Variants in NIBAN2 observed in about 807,000 individuals in gnomAD.
NIBAN2 encodes protein Niban 2.
A neutral mutation model predicts 81.8 loss-of-function variants in NIBAN2; 36 were observed. That is an observed-to-expected ratio of 0.44 (90% CI 0.34 to 0.58). The LOEUF is 0.58. Ranked by LOEUF, NIBAN2 falls within the 20% of genes least tolerant of loss-of-function variation. The pLI is 0.02. For synonymous variants in NIBAN2, 445 were observed against 441.6 expected, an observed-to-expected ratio of 1.01 and a Z score of -0.10; for missense variants, 897 against 1,014.1, an observed-to-expected ratio of 0.88 and a Z score of 1.57.
At chr9:127,526,398 CAAAAAAA>C (rs71495649) in intron 3 of NIBAN2, among the ~76,000 whole-genome samples, 3 of 92,592 alleles carry the variant, frequency 3.2e-5, no homozygotes, top group African/African-American at 4.3e-5. Context: ...GACTTCATCT[CAAAAAAA>C]AAAAAAAAAA....
At position 127,559,674 on chromosome 9, in the gene NIBAN2, TG is replaced by T. The variant is rs1837736244; in HGVS notation, c.55+9145del. On this transcript the variant is annotated intron_variant, in intron 1 of 13. Coordinates refer to ENST00000373312, the MANE Select transcript of NIBAN2 (RefSeq NM_022833.4). This position sits in a 1 kb window ranked among gnomAD's most constrained non-coding sequence, Gnocchi z 4.0. ...GTTGGCTTGGCCACAGATGGGCAGG[TG>T]GGAAAGTGGGGTCTGCACTTTGCAA... Among the ~76,000 whole-genome samples the T allele has an allele frequency of 6.6e-6, 1 of 152,158 alleles. No individual in the cohort carries two copies. The highest frequency in any genetic ancestry group is 1.5e-5 in the Non-Finnish European group (1 of 68,026).
At chr9:127,568,352 C>A (rs1481852477) in intron 1 of NIBAN2, among the ~76,000 whole-genome samples, 2 of 152,198 alleles carry the variant, frequency 1.3e-5, no homozygotes, top group East Asian at 1.9e-4. Flanking sequence ...GCCTCCGCCA[C>A]GTGTACCAGG....
At chr9:127,571,781 G>A (rs557639673), upstream of NIBAN2, among the ~76,000 whole-genome samples, 2 of 152,008 alleles carry the variant, frequency 1.3e-5, no homozygotes, top group Admixed American at 6.6e-5. Context: ...ATAGCTCTCC[G>A]CAAATCTGGG....
intron 1 of NIBAN2, among the ~76,000 whole-genome samples, chr9:127,555,497 G>A (rs1009337818): frequency 5.9e-5 from 9 of 152,202 alleles, no homozygotes; most frequent in South Asian, 2.1e-4. Context: ...GGGGGCCAGC[G>A]GCGGACCCTG....
intron 1 of NIBAN2, among the ~76,000 whole-genome samples, chr9:127,532,773 C>T (rs916608796): frequency 9.9e-5 from 15 of 151,998 alleles, no homozygotes; most frequent in African/African-American, 3.6e-4. Flanking sequence ...TGGCTCACAC[C>T]TATAATCCCA....
At chr9:127,569,327 C>T (rs1837917968), upstream of NIBAN2, among the ~76,000 whole-genome samples, 1 of 150,964 alleles carries the variant, frequency 6.6e-6, no homozygotes, top group Non-Finnish European at 1.5e-5. Context: ...ACGCCGGGAC[C>T]GCCCTGGAGA....
At chr9:127,516,310 G>A (rs1357179188) in intron 8 of NIBAN2, among the ~76,000 whole-genome samples, 4 of 152,152 alleles carry the variant, frequency 2.6e-5, no homozygotes, top group African/African-American at 7.2e-5. Context: ...ACTTTGGGAG[G>A]CCAAGGTGAG....
chr9:127,517,043 G>A lies in NIBAN2; in HGVS notation c.811-24C>T. 4 of 1,611,506 alleles carry A rather than the reference G, an allele frequency of 2.5e-6. No homozygotes were observed. The highest frequency in any genetic ancestry group is 3.4e-6 in the Non-Finnish European group (4 of 1,178,216). ...ATCTGTGGGCAGAGCAGCTGAATTG[G>A]CACCAGGGCTGAGGGCACCGCACCA... is the stretch of plus-strand genomic sequence containing the variant. On this transcript the variant is annotated intron_variant, in intron 7 of 13. Coordinates refer to ENST00000373312, the MANE Select transcript of NIBAN2 (RefSeq NM_022833.4). This position sits in a 1 kb window ranked among gnomAD's most constrained non-coding sequence, Gnocchi z 4.0.
intron 1 of NIBAN2, among the ~76,000 whole-genome samples, chr9:127,556,458 A>T (rs1233258302): frequency 2.3e-5 from 1 of 43,016 alleles, no homozygotes; most frequent in Non-Finnish European, 4.3e-5. Context: ...TTGCAATGGC[A>T]TTCATTCATT....
chr9:127,553,324 G>C (rs924352832), intron 1 of NIBAN2, among the ~76,000 whole-genome samples: 1 of 152,206 alleles, frequency 6.6e-6, no homozygotes, highest in South Asian at 2.1e-4. Context: ...GTCTGAGGGG[G>C]AGGCCAGAGC....
Position 127,508,571 on chromosome 9 carries a change from C to T in NIBAN2, c.1318-33G>A, listed in dbSNP as rs774285109. 1 of 1,565,702 alleles carries T rather than the reference C, an allele frequency of 6.4e-7. No homozygotes were observed. Among genetic ancestry groups the T allele is most frequent in the Non-Finnish European group, 8.8e-7 (1 of 1,137,862 alleles). On this transcript the variant is annotated intron_variant, in intron 10 of 13. Coordinates refer to ENST00000373312, the MANE Select transcript of NIBAN2 (RefSeq NM_022833.4). The surrounding 1 kb of genome is among the most constrained non-coding windows in gnomAD (Gnocchi z 6.4). ...GCATACCGCGGACATGTGAAGCCCCCAGGGTGACCACAGCCCCTTCCTGGG... is the reference window on the plus strand; with the variant it reads ...GCATACCGCGGACATGTGAAGCCCCTAGGGTGACCACAGCCCCTTCCTGGG...
intron 1 of NIBAN2, among the ~76,000 whole-genome samples, chr9:127,552,708 AG>A (rs1181611894): frequency 3.8e-4 from 12 of 31,354 alleles, no homozygotes; most frequent in South Asian, 1.1e-3. Flanking sequence ...TTTTTTTTTG[AG>A]ACAGAGTCTT....
At position 127,517,220 on chromosome 9, in the gene NIBAN2, G is replaced by C. The variant is rs1180085968; in HGVS notation, c.706-4C>G. ...CCATCACCAGGTTGCTCAGGATCTA[G>C]GTTGAGGAGGCACAAGCCAGGCCAG... On this transcript the variant is annotated splice_region_variant and splice_polypyrimidine_tract_variant and intron_variant, in intron 6 of 13. Transcript: ENST00000373312. This position sits in a 1 kb window ranked among gnomAD's most constrained non-coding sequence, Gnocchi z 4.0. 6.2e-7 allele frequency: 1 copy of C among 1,613,094 alleles called. No homozygotes were observed. The highest frequency in any genetic ancestry group is 8.5e-7 in the Non-Finnish European group (1 of 1,179,586).
chr9:127,525,879 A>C (rs1837053405), intron 3 of NIBAN2, among the ~76,000 whole-genome samples: 1 of 152,160 alleles, frequency 6.6e-6, no homozygotes, highest in African/African-American at 2.4e-5. Flanking sequence ...CTAGGTTCTG[A>C]GCATCACACA....
At chr9:127,540,808 C>T (rs1837364207) in intron 1 of NIBAN2, among the ~76,000 whole-genome samples, 1 of 152,254 alleles carries the variant, frequency 6.6e-6, no homozygotes, top group South Asian at 2.1e-4. Flanking sequence ...CAGTGGAGGG[C>T]GCTGTGCCAG....
At chr9:127,515,265 A>G (rs1836804319) in intron 8 of NIBAN2, among the ~76,000 whole-genome samples, 2 of 152,100 alleles carry the variant, frequency 1.3e-5, no homozygotes, top group South Asian at 4.1e-4. Flanking sequence ...TCACGCCTAT[A>G]ATCCCAGCAT....
In NIBAN2 at chr9:127,568,733, C is replaced by T. The variant is rs1837901893; in HGVS notation, c.55+87G>A. 3 of 1,147,506 alleles carry T rather than the reference C, an allele frequency of 2.6e-6. No homozygotes were observed. In the East Asian group the frequency reaches 1.1e-4, roughly 43 times the overall value. The allele number at this position is 1,147,506 out of a possible 1,614,324, so 71.1% of individuals were successfully genotyped here. A position where few individuals can be genotyped will look rare whatever the true frequency, so the allele number is the denominator to read the frequency against. Reference sequence around the variant, plus strand: ...GGCCTGACTCCCCCGAGCCCCCGGCCCCGGCGCCAACTGCTGGCCGGGGCG... The same window carrying T: ...GGCCTGACTCCCCCGAGCCCCCGGCTCCGGCGCCAACTGCTGGCCGGGGCG... On this transcript the variant is annotated intron_variant, in intron 1 of 13. Transcript: ENST00000373312.
At chr9:127,512,091 T>C (rs1015243707) in intron 8 of NIBAN2, among the ~76,000 whole-genome samples, 2 of 152,160 alleles carry the variant, frequency 1.3e-5, no homozygotes, top group African/African-American at 4.8e-5. Flanking sequence ...CCCGTTCTAT[T>C]CAAAGTCACC....
chr9:127,541,393 C>T (rs1025636430), intron 1 of NIBAN2, among the ~76,000 whole-genome samples: 1 of 152,244 alleles, frequency 6.6e-6, no homozygotes, highest in African/African-American at 2.4e-5. Context: ...ACTGTCCTCA[C>T]TTCCCAGAGA....
Sources: allele counts gnomAD v4.1 joint callset (sites outside exome capture counted in the v4.1 genomes callset), GRCh38; gene constraint gnomAD v4.1.1; non-coding constraint Gnocchi (gnomAD v3.1); transcripts MANE v1.5; gene names NCBI Gene and HGNC (gene_info 2026-07-23, HGNC 2026-07-21).